CLVS1: variants seen among roughly 807,000 people sequenced by gnomAD.
CLVS1 encodes clavesin 1.
A neutral mutation model predicts 33.1 loss-of-function variants in CLVS1; 10 were observed. The ratio of observed to expected loss-of-function variants is 0.30; its 90% CI spans 0.19 to 0.51. The LOEUF (loss-of-function observed/expected upper bound fraction) is 0.51, where lower values mean the gene tolerates loss of function less well. Among genes scored for constraint, CLVS1 ranks in the 20% least tolerant of loss-of-function variants. The probability of loss-of-function intolerance (pLI) is 0.97; values close to 1 mark genes in which losing one functional copy is unlikely to be tolerated. For missense variants in CLVS1, 343 were observed against 433.4 expected (o/e 0.79, Z 1.85); for synonymous variants, 163 against 166.1 (o/e 0.98, Z 0.14).
chr8:61,201,104 A>C (rs1050893833), intron 2 of CLVS1, among the ~76,000 whole-genome samples: 3 of 152,208 alleles, frequency 2.0e-5, no homozygotes, highest in African/African-American at 7.2e-5. Flanking sequence ...ACACAAAGCA[A>C]TTCCAGCAGA....
chr8:61,401,211 C>G (rs1031616192), intron 3 of CLVS1, among the ~76,000 whole-genome samples: 4 of 150,704 alleles, frequency 2.7e-5, no homozygotes, highest in Non-Finnish European at 5.9e-5. Context: ...TAGATTGTGT[C>G]AACTGAAAAC....
chr8:61,368,612 A>T (rs1327420072), intron 2 of CLVS1, among the ~76,000 whole-genome samples: 2 of 152,126 alleles, frequency 1.3e-5, no homozygotes, highest in African/African-American at 4.8e-5. Flanking sequence ...ATTTGCAATG[A>T]CTCTAGCTGT....
chr8:61,126,999 G>A (rs1805986713), intron 1 of CLVS1, among the ~76,000 whole-genome samples: 1 of 152,186 alleles, frequency 6.6e-6, no homozygotes, highest in South Asian at 2.1e-4. Context: ...CCTTCCTGCA[G>A]TGTGAGATGG....
the CLVS1 span, among the ~76,000 whole-genome samples, chr8:60,978,135 A>C: frequency 1.3e-5 from 2 of 152,238 alleles, no homozygotes; most frequent in Non-Finnish European, 2.9e-5. Context: ...TAGGCCTGGT[A>C]CAGAAATGTT....
In CLVS1 at chr8:61,186,312, C is replaced by G. The variant is rs540622616; in HGVS notation, c.-152+54452C>G. ...AGCTGAATAAACTGATGTCATATCT[C>G]TGTAGCTGGTCAGGGGCACATAATG... On this transcript the variant is annotated intron_variant, in intron 2 of 2. Transcript: ENST00000522621. Among the ~76,000 whole-genome samples, 8 of 152,328 alleles carry G rather than the reference C, an allele frequency of 5.3e-5. No homozygotes were observed. The South Asian group carries it at 1.2e-3, about 24-fold the overall frequency.
intron 2 of CLVS1, among the ~76,000 whole-genome samples, chr8:61,334,304 C>G (rs1273559218): frequency 6.6e-6 from 1 of 152,196 alleles, no homozygotes; most frequent in Non-Finnish European, 1.5e-5. Flanking sequence ...GCATTTCATT[C>G]TGACTGATCA....
At chr8:61,017,645 C>T in the CLVS1 span, among the ~76,000 whole-genome samples, 1 of 152,236 alleles carries the variant, frequency 6.6e-6, no homozygotes. Context: ...GTGCTGGCCT[C>T]CAGGTCCAGG....
chr8:61,063,831 C>A (rs918315655), intron 1 of CLVS1, among the ~76,000 whole-genome samples: 2 of 152,130 alleles, frequency 1.3e-5, no homozygotes, highest in Admixed American at 6.5e-5. Flanking sequence ...GTTTTCAGAA[C>A]TTTTTCATTG....
At chr8:61,342,375 C>A (rs148740236) in intron 2 of CLVS1, among the ~76,000 whole-genome samples, 62 of 152,274 alleles carry the variant, frequency 4.1e-4, no homozygotes, top group African/African-American at 1.3e-3. Context: ...CTGAGCTCCT[C>A]GATGGCTAAA....
intron 2 of CLVS1, among the ~76,000 whole-genome samples, chr8:61,246,882 T>C (rs1206301469): frequency 1.3e-5 from 2 of 152,186 alleles, no homozygotes; most frequent in African/African-American, 4.8e-5. Flanking sequence ...TGGGGGTTTG[T>C]TGTACATATT....
chr8:61,304,584 G>A (rs1490217072), intron 2 of CLVS1, among the ~76,000 whole-genome samples: 3 of 152,222 alleles, frequency 2.0e-5, no homozygotes, highest in Non-Finnish European at 2.9e-5. Flanking sequence ...ACTGCTGGTC[G>A]ATGAGCCCTC....
At chr8:61,346,465 C>G (rs1248560773) in intron 2 of CLVS1, among the ~76,000 whole-genome samples, 1 of 151,998 alleles carries the variant, frequency 6.6e-6, no homozygotes, top group East Asian at 1.9e-4. Flanking sequence ...ACCCTTAAAG[C>G]CTTATAGATA....
chr8:61,203,227 A>C (rs1044034380), intron 2 of CLVS1: 1 of 1,072,396 alleles, frequency 9.3e-7, no homozygotes, highest in Non-Finnish European at 1.4e-6. Flanking sequence ...AGTCTCTTTA[A>C]GAAAATAGTT....
At chr8:60,999,321 G>A in the CLVS1 span, among the ~76,000 whole-genome samples, 1 of 152,216 alleles carries the variant, frequency 6.6e-6, no homozygotes, top group Admixed American at 6.5e-5. Flanking sequence ...GAGGCCTGGG[G>A]AGAGGTGTGA....
At chr8:61,247,952 A>AT in intron 2 of CLVS1, among the ~76,000 whole-genome samples, 1 of 152,164 alleles carries the variant, frequency 6.6e-6, no homozygotes, top group Middle Eastern at 3.4e-3. Context: ...TCTTGAATTG[A>AT]TTTTTGTATA....
rs1218135508 is a variant in CLVS1, at chr8:61,115,339, TTTTTA to T, written c.-242-16421_-242-16417del. Among the ~76,000 whole-genome samples the T allele has an allele frequency of 5.3e-5, 8 of 151,514 alleles. 1 individual carries two copies. Among genetic ancestry groups the T allele is most frequent in the Middle Eastern group, 3.4e-3 (1 of 294 alleles). On this transcript the variant is annotated intron_variant, in intron 1 of 2. Transcript: ENST00000522621. Reference sequence around the variant, plus strand: ...TTTAAAAAAATGGCAACTCTTATTTTTTTTATTTTATTTTTATTTTTATTTTTATT... The same window carrying T: ...TTTAAAAAAATGGCAACTCTTATTTTTTTTATTTTTATTTTTATTTTTATT...
intron 3 of CLVS1, among the ~76,000 whole-genome samples, chr8:61,435,331 T>A (rs1816288745): frequency 6.6e-6 from 1 of 152,214 alleles, no homozygotes; most frequent in African/African-American, 2.4e-5. Flanking sequence ...GAAGCACTTC[T>A]GCTTCCTTCT....
intron 3 of CLVS1, among the ~76,000 whole-genome samples, chr8:61,381,484 C>T (rs1415965344): frequency 6.6e-6 from 1 of 152,034 alleles, no homozygotes; most frequent in Non-Finnish European, 1.5e-5. Flanking sequence ...AGTTCTGTTA[C>T]GTGGGTAAAC....
Position 61,485,137 on chromosome 8 carries a change from T to C in CLVS1, c.978-14318T>C, listed in dbSNP as rs576141773. Reference sequence around the variant, plus strand: ...AGAGCTTCTGCACAGCAAAAGAAACTACCATCAGAGTGAACAGGCAACCCA... The same window carrying C: ...AGAGCTTCTGCACAGCAAAAGAAACCACCATCAGAGTGAACAGGCAACCCA... On this transcript the variant is annotated intron_variant, in intron 5 of 5. Transcript: ENST00000325897. Among the ~76,000 whole-genome samples, 3 of 151,960 alleles carry C rather than the reference T, an allele frequency of 2.0e-5. No homozygotes were observed. In the East Asian group the frequency reaches 5.8e-4, roughly 29 times the overall value.
Sources: allele counts gnomAD v4.1 joint callset (sites outside exome capture counted in the v4.1 genomes callset), GRCh38; gene constraint gnomAD v4.1.1; transcripts MANE v1.5; gene names NCBI Gene and HGNC (gene_info 2026-07-23, HGNC 2026-07-21).